Variants in RIC1 observed in about 807,000 individuals in gnomAD.
RIC1 encodes the protein RIC1 partner of RAB6A GEF complex.
A neutral mutation model predicts 169.0 loss-of-function variants in RIC1; 88 were observed. The observed-to-expected ratio is 0.52, with a 90% CI of 0.44 to 0.62. The LOEUF is 0.62. Ranked by LOEUF, RIC1 falls within the 20% of genes least tolerant of loss-of-function variation. The pLI is 0.00. For synonymous variants in RIC1, 790 were observed against 601.5 expected (o/e 1.31, Z -4.59); for missense variants, 1,877 against 1,725.5 (o/e 1.09, Z -1.56).
chr9:5,715,232 A>G (rs984343606), intron 4 of RIC1, among the ~76,000 whole-genome samples: 3 of 152,234 alleles, frequency 2.0e-5, no homozygotes, highest in African/African-American at 7.2e-5. Context: ...TACATAAGGA[A>G]TTCTGAGTGT....
intron 18 of RIC1, 44 bp downstream of exon 18, chr9:5,762,704 A>G (rs1244104165): frequency 1.9e-6 from 3 of 1,597,302 alleles, no homozygotes; most frequent in Admixed American, 1.7e-5. Context: ...TTAAGAAGGT[A>G]TGGGATGAGG....
At chr9:5,684,029 C>T (rs1045240323) in intron 2 of RIC1, among the ~76,000 whole-genome samples, 2 of 152,146 alleles carry the variant, frequency 1.3e-5, no homozygotes, top group Non-Finnish European at 2.9e-5. Context: ...CTCGATTTTC[C>T]TGGTGCCGTC....
intron 2 of RIC1, among the ~76,000 whole-genome samples, chr9:5,665,602 C>T (rs1350392517): frequency 6.6e-6 from 1 of 152,160 alleles, no homozygotes; most frequent in Non-Finnish European, 1.5e-5. Flanking sequence ...TTTGAGGTTG[C>T]TGACCTTTGA....
At chr9:5,764,157 C>T (rs1826524629) in intron 19 of RIC1, among the ~76,000 whole-genome samples, 1 of 151,992 alleles carries the variant, frequency 6.6e-6, no homozygotes, top group Non-Finnish European at 1.5e-5. Context: ...TATTAGAATA[C>T]ATGTAATAGG....
rs532039618 is a variant in RIC1, at chr9:5,700,074, C to G, written c.332+10036C>G. Among the ~76,000 whole-genome samples the G allele has an allele frequency of 3.1e-4, 46 of 150,640 alleles. No homozygotes were observed. The South Asian group carries it at 9.0e-3, about 29-fold the overall frequency. On this transcript the variant is annotated intron_variant, in intron 3 of 25. Coordinates refer to ENST00000414202, the MANE Select transcript of RIC1 (RefSeq NM_020829.4). ...TCTCTCAGGGTCATCGTTCCATGGG[C>G]TGTCCCCACCCAACCCCACCAAGTT...
chr9:5,745,230 TA>T (rs1376423042), intron 10 of RIC1, among the ~76,000 whole-genome samples: 1 of 152,184 alleles, frequency 6.6e-6, no homozygotes, highest in Non-Finnish European at 1.5e-5. Context: ...AAAGTTCTAT[TA>T]AACTTTTGAA....
At chr9:5,634,344 A>G (rs755573287) in intron 1 of RIC1, among the ~76,000 whole-genome samples, 1 of 152,156 alleles carries the variant, frequency 6.6e-6, no homozygotes, top group Non-Finnish European at 1.5e-5. Context: ...AGTCCCGTCA[A>G]TAGTGTACAG....
intron 1 of RIC1, among the ~76,000 whole-genome samples, chr9:5,641,391 G>A (rs1032119560): frequency 2.0e-5 from 3 of 151,358 alleles, no homozygotes; most frequent in African/African-American, 4.9e-5. Flanking sequence ...GCGCCCGGCC[G>A]CCATGAGGTA....
intron 3 of RIC1, among the ~76,000 whole-genome samples, chr9:5,702,538 TTTTGTTTG>T (rs71487826): frequency 3.8e-5 from 3 of 79,304 alleles, no homozygotes; most frequent in African/African-American, 1.4e-4. Flanking sequence ...TTGTTTTTGT[TTTTGTTTG>T]TTTGTTTGTT....
intron 3 of RIC1, among the ~76,000 whole-genome samples, chr9:5,700,851 A>T (rs948708288): frequency 6.6e-6 from 1 of 152,146 alleles, no homozygotes; most frequent in African/African-American, 2.4e-5. Context: ...AAATAATTAA[A>T]TTTTTTCTTT....
At chr9:5,725,700 C>G (rs1823930408) in intron 6 of RIC1, among the ~76,000 whole-genome samples, 1 of 151,992 alleles carries the variant, frequency 6.6e-6, no homozygotes, top group Admixed American at 6.6e-5. Flanking sequence ...GCATTTAATC[C>G]TATAAATTTC....
intron 2 of RIC1, among the ~76,000 whole-genome samples, chr9:5,689,044 C>CT (rs34717277): frequency 0.45 from 43,965 of 98,788 alleles, 12,865 homozygotes; most frequent in African/African-American, 0.67. Flanking sequence ...AATACAATTT[C>CT]TTTTTTTTTT....
rs1460590006 is a variant in RIC1, at chr9:5,746,041, A to G, written c.1206A>G (p.Leu402=). The change falls in exon 11 of 26, where the codon TTA becomes TTG. Residue 402 remains leucine (L), a synonymous_variant. Coordinates refer to ENST00000414202, the MANE Select transcript of RIC1 (RefSeq NM_020829.4). ...RSVVKQPSIL[L]FQFIKSVLTV... is the part of the protein sequence containing the mutation. ...TAGTTAAACAGCCCAGCATCCTGTT[A>G]TTTCAGTTTATTAAGAGTGTACTCA... is the stretch of plus-strand genomic sequence containing the variant. 8 of 1,613,498 alleles carry G rather than the reference A, an allele frequency of 5.0e-6. No homozygotes were observed. The highest frequency in any genetic ancestry group is 1.7e-5 in the Admixed American group (1 of 59,986).
intron 25 of RIC1, among the ~76,000 whole-genome samples, chr9:5,773,585 T>TA (rs1472422831): frequency 1.3e-5 from 2 of 152,246 alleles, no homozygotes; most frequent in Non-Finnish European, 2.9e-5. Flanking sequence ...TTACTTCCCT[T>TA]ACTTGGATCT....
In RIC1 at chr9:5,770,264, C is replaced by A. The variant is rs1827118456; in HGVS notation, c.3602C>A (p.Pro1201His). ...GPQMQDAFLS[P>H]LSNKGDECSI... The stretch of plus-strand genomic sequence containing the variant: ...CAAATGCAAGATGCCTTCTTGTCAC[C>A]TTTATCTAATAAAGGTAAATGTAAT... The change falls in exon 23 of 26, where the codon CCT (proline) becomes CAT (histidine). Residue 1201 changes from proline to histidine, a missense_variant. Transcript: ENST00000414202. The A allele has an allele frequency of 1.2e-6, 2 of 1,612,884 alleles. No individual in the cohort carries two copies. Among genetic ancestry groups the A allele is most frequent in the Middle Eastern group, 1.7e-4 (1 of 6,054 alleles).
At chr9:5,711,996 T>C (rs1225699776) in intron 3 of RIC1, among the ~76,000 whole-genome samples, 6 of 152,210 alleles carry the variant, frequency 3.9e-5, no homozygotes, top group Non-Finnish European at 8.8e-5. Context: ...TTGGGTTGGT[T>C]CCAAGTCTTT....
chr9:5,691,223 A>G (rs1021326304), intron 3 of RIC1, among the ~76,000 whole-genome samples: 7 of 151,982 alleles, frequency 4.6e-5, no homozygotes, highest in Non-Finnish European at 7.4e-5. Flanking sequence ...ACAAAATTAT[A>G]TATGTAATAT....
Position 5,747,401 on chromosome 9 carries a change from T to A in RIC1, c.1348T>A (p.Ser450Thr). 6.2e-7 allele frequency: 1 copy of A among 1,614,034 alleles called. No individual in the cohort carries two copies. The highest frequency in any genetic ancestry group is 8.5e-7 in the Non-Finnish European group (1 of 1,179,918). Reference protein sequence around the residue: ...TQNPRSSSTHSEHKPSREKSP... With the variant: ...TQNPRSSSTHTEHKPSREKSP... ...GAATCCCAGGAGTTCTTCAACACACTCTGAGCATAAGCCCAGTCGAGAAAA... is the reference window on the plus strand; with the variant it reads ...GAATCCCAGGAGTTCTTCAACACACACTGAGCATAAGCCCAGTCGAGAAAA... Residue 450 changes from serine (S) to threonine (T), a missense_variant, in exon 12 of 26, where the codon TCT (serine) becomes ACT (threonine). Around this residue, in one of 3 missense-constraint regions of RIC1, gnomAD observed 1,104 missense variants for 992.0 expected, o/e 1.11. Coordinates refer to ENST00000414202, the MANE Select transcript of RIC1 (RefSeq NM_020829.4).
In RIC1 at chr9:5,754,942, C is replaced by T. The variant is rs147178399; in HGVS notation, c.1692+12C>T. The T allele has an allele frequency of 3.5e-4, 521 of 1,469,134 alleles. 7 individuals carry two copies. In the East Asian group the frequency reaches 0.012, roughly 33 times the overall value. 91.0% of individuals were successfully genotyped at this position (1,469,134 alleles called of 1,614,324 possible). On this transcript the variant is annotated intron_variant, in intron 15 of 25. Transcript: ENST00000414202. ...ACCGTCAAGAAGAGGTAAGTTTTTT[C>T]TCTCAGAAATAACAGATTTTTATAT...
Sources: allele counts gnomAD v4.1 joint callset (sites outside exome capture counted in the v4.1 genomes callset), GRCh38; gene constraint gnomAD v4.1.1; regional missense constraint gnomAD v4.1.1; transcripts MANE v1.5; gene names NCBI Gene and HGNC (gene_info 2026-07-23, HGNC 2026-07-21).